LEMD3: variants seen among roughly 807,000 people sequenced by gnomAD.
LEMD3 encodes the protein inner nuclear membrane protein Man1.
LEMD3 carries 33 observed loss-of-function variants against 95.2 expected under a neutral mutation model. The observed-to-expected ratio is 0.35, with a 90% confidence interval of 0.26 to 0.46. LEMD3 has a LOEUF of 0.46. LEMD3 is among the 20% of genes least tolerant of loss of function. The pLI, the probability that LEMD3 is intolerant of heterozygous loss-of-function variation, is 1.00. For missense variants in LEMD3, 1,210 were observed against 1,192.8 expected, an observed-to-expected ratio of 1.01 and a Z score of -0.21; for synonymous variants, 525 against 474.6, an observed-to-expected ratio of 1.11 and a Z score of -1.38.
intron 1 of LEMD3, among the ~76,000 whole-genome samples, chr12:65,179,247 C>A (rs1156509403): frequency 6.6e-6 from 1 of 151,964 alleles, no homozygotes; most frequent in Non-Finnish European, 1.5e-5. Context: ...TTTGAATAAA[C>A]TTCATATTTT....
At chr12:65,218,746 A>G in intron 4 of LEMD3, 127 bp downstream of exon 4, 1 of 555,742 alleles carries the variant, frequency 1.8e-6, no homozygotes, top group Non-Finnish European at 3.3e-6. Context: ...GCTGTTTGGT[A>G]TAATATGAGC....
intron 1 of LEMD3, among the ~76,000 whole-genome samples, chr12:65,208,417 T>G (rs545131185): frequency 6.6e-6 from 1 of 152,252 alleles, no homozygotes; most frequent in Admixed American, 6.5e-5. Flanking sequence ...AGTGACTGAA[T>G]AAAGAATGAA....
chr12:65,239,063 A>G (rs1265743029), intron 6 of LEMD3, among the ~76,000 whole-genome samples: 1 of 152,214 alleles, frequency 6.6e-6, no homozygotes, highest in Non-Finnish European at 1.5e-5. Context: ...GTCAGTATAT[A>G]CATAGAAATC....
At chr12:65,181,005 C>G (rs1216971196) in intron 1 of LEMD3, among the ~76,000 whole-genome samples, 1 of 152,134 alleles carries the variant, frequency 6.6e-6, no homozygotes, top group Non-Finnish European at 1.5e-5. Context: ...CACACACACA[C>G]ACACAATTTT....
intron 4 of LEMD3, among the ~76,000 whole-genome samples, chr12:65,226,077 C>G (rs1341231872): frequency 6.6e-6 from 1 of 152,136 alleles, no homozygotes; most frequent in Non-Finnish European, 1.5e-5. Flanking sequence ...TTCTTCATGC[C>G]GAGCTGGGGG....
At chr12:65,219,551 C>G (rs918295909) in intron 4 of LEMD3, among the ~76,000 whole-genome samples, 7 of 152,162 alleles carry the variant, frequency 4.6e-5, no homozygotes, top group African/African-American at 1.4e-4. Context: ...TGCCTCCCAT[C>G]CCCTTGTTAA....
chr12:65,216,159 A>G, intron 3 of LEMD3, 116 bp downstream of exon 3: 1 of 727,806 alleles, frequency 1.4e-6, no homozygotes, highest in Non-Finnish European at 2.4e-6. Context: ...ATTTTTCTTT[A>G]GAAGTTTTCA....
chr12:65,169,999 GTGC>G lies in LEMD3; in HGVS notation c.409_411del (p.Leu137del), dbSNP rs1379401587. The G allele has an allele frequency of 7.4e-6, 11 of 1,492,948 alleles. No homozygotes were observed. Among genetic ancestry groups the G allele is most frequent in the Non-Finnish European group, 9.7e-6 (11 of 1,132,248 alleles). 92.5% of individuals were successfully genotyped at this position (1,492,948 alleles called of 1,614,324 possible). A position where few individuals can be genotyped will look rare whatever the true frequency, so the allele number is the denominator to read the frequency against. ...CGCCGCCCCCGCGGCTGGCAGCAAA[GTGC>G]TGCTGGGCTTCAGCTCGGACGAGTC... On this transcript the variant is annotated inframe_deletion, in exon 1 of 13. Transcript: ENST00000308330.
chr12:65,174,793 A>G (rs1009194916), intron 1 of LEMD3, among the ~76,000 whole-genome samples: 5 of 152,208 alleles, frequency 3.3e-5, no homozygotes, highest in Non-Finnish European at 1.5e-5. Flanking sequence ...CAGAGCTTAC[A>G]TTTCTAGGAG....
intron 4 of LEMD3, among the ~76,000 whole-genome samples, chr12:65,222,701 A>G (rs1446465204): frequency 2.0e-5 from 3 of 151,756 alleles, no homozygotes; most frequent in African/African-American, 7.3e-5. Context: ...TAGGCTTAGT[A>G]TGTTCTTTTT....
intron 1 of LEMD3, among the ~76,000 whole-genome samples, chr12:65,187,331 A>T (rs993690277): frequency 6.6e-6 from 1 of 152,078 alleles, no homozygotes; most frequent in Non-Finnish European, 1.5e-5. Flanking sequence ...ATTCAATTCA[A>T]GGGATTCCAG....
At chr12:65,233,066 C>T (rs981922319) in intron 4 of LEMD3, among the ~76,000 whole-genome samples, 19 of 152,036 alleles carry the variant, frequency 1.2e-4, no homozygotes. Context: ...CAGTGTGGTA[C>T]TTTCTATATG....
At chr12:65,184,634 A>G (rs1472415618) in intron 1 of LEMD3, among the ~76,000 whole-genome samples, 1 of 152,160 alleles carries the variant, frequency 6.6e-6, no homozygotes, top group Non-Finnish European at 1.5e-5. Context: ...TAAGTGCTCA[A>G]TAACTTCAAA....
intron 1 of LEMD3, among the ~76,000 whole-genome samples, chr12:65,175,590 T>C (rs1868695119): frequency 6.6e-6 from 1 of 152,204 alleles, no homozygotes; most frequent in South Asian, 2.1e-4. Flanking sequence ...TTTCTAAGCT[T>C]CTGTATCACT....
intron 1 of LEMD3, among the ~76,000 whole-genome samples, chr12:65,188,221 A>G (rs1036011052): frequency 1.3e-5 from 2 of 152,128 alleles, no homozygotes; most frequent in Non-Finnish European, 1.5e-5. Context: ...ATTAGGGAAC[A>G]TTATACATTT....
At chr12:65,221,174 T>C (rs1354615856) in intron 4 of LEMD3, among the ~76,000 whole-genome samples, 1 of 116,534 alleles carries the variant, frequency 8.6e-6, no homozygotes, top group African/African-American at 2.9e-5. Context: ...TTTTATTTCA[T>C]TCAGCTTTTT....
chr12:65,245,631 GA>G, intron 10 of LEMD3, 37 bp from the exon 11 acceptor site: 13 of 1,376,616 alleles, frequency 9.4e-6, no homozygotes, highest in Non-Finnish European at 1.3e-5. Context: ...TACCGAGTAG[GA>G]ATATGGTTGT....
At chr12:65,194,843 A>AGATTATAATTTATAAATTATAC (rs1869368420) in intron 1 of LEMD3, among the ~76,000 whole-genome samples, 95 of 85,938 alleles carry the variant, frequency 1.1e-3, no homozygotes, top group South Asian at 3.6e-3. Flanking sequence ...ATAAATTATA[A>AGATTATAATTTATAAATTATAC]TTTAGATTAT....
At chr12:65,243,496 T>A (rs1166099377) in intron 10 of LEMD3, 27 bp downstream of exon 10, 1 of 1,249,740 alleles carries the variant, frequency 8.0e-7, no homozygotes, top group Admixed American at 1.7e-5. Flanking sequence ...GGGGTACATG[T>A]AACTCTTATT....
Sources: allele counts gnomAD v4.1 joint callset (sites outside exome capture counted in the v4.1 genomes callset), GRCh38; gene constraint gnomAD v4.1.1; transcripts MANE v1.5; gene names NCBI Gene and HGNC (gene_info 2026-07-23, HGNC 2026-07-21).